KCND2: variants seen among roughly 807,000 people sequenced by gnomAD.
KCND2 encodes potassium voltage-gated channel subfamily D member 2.
KCND2 carries 16 observed loss-of-function variants against 54.4 expected under a neutral mutation model. The ratio of observed to expected loss-of-function variants is 0.29; its 90% CI spans 0.20 to 0.45. The LOEUF (loss-of-function observed/expected upper bound fraction) is 0.45, where lower values mean the gene tolerates loss of function less well. Among genes scored for constraint, KCND2 ranks in the 20% least tolerant of loss-of-function variants. The pLI, the probability that KCND2 is intolerant of heterozygous loss-of-function variation, is 1.00. For synonymous variants in KCND2, 317 were observed against 310.7 expected, an observed-to-expected ratio of 1.02 and a Z score of -0.21; for missense variants, 486 against 824.2, an observed-to-expected ratio of 0.59 and a Z score of 5.02.
In KCND2 at chr7:120,649,976, G is replaced by A. The variant is rs528498613; in HGVS notation, c.1116-82927G>A. On this transcript the variant is annotated intron_variant, in intron 1 of 5. Coordinates refer to ENST00000331113, the MANE Select transcript of KCND2 (RefSeq NM_012281.3). ...TCTTCTGGCTTGTGGAGTTTCTGCC[G>A]AGAGATCCGCTGTTAGTCTGATGGG... 7.2e-4 allele frequency among the ~76,000 whole-genome samples: 110 copies of A among 152,232 alleles called. 2 individuals carry two copies. The highest frequency in any genetic ancestry group is 2.5e-3 in the African/African-American group (102 of 41,504).
intron 1 of KCND2, among the ~76,000 whole-genome samples, chr7:120,486,156 A>G (rs1562852218): frequency 6.6e-6 from 1 of 152,204 alleles, no homozygotes; most frequent in Non-Finnish European, 1.5e-5. Context: ...AAGATATATG[A>G]TTAGCTCTAT....
At chr7:120,461,493 C>T (rs1474076228) in intron 1 of KCND2, among the ~76,000 whole-genome samples, 1 of 152,122 alleles carries the variant, frequency 6.6e-6, no homozygotes, top group Non-Finnish European at 1.5e-5. Context: ...ACACCAATGC[C>T]CTATTCGAGA....
chr7:120,318,166 A>G (rs1324130619), intron 1 of KCND2, among the ~76,000 whole-genome samples: 1 of 152,190 alleles, frequency 6.6e-6, no homozygotes, highest in Non-Finnish European at 1.5e-5. Context: ...ATCTAAAATT[A>G]GTATCAACAC....
At chr7:120,662,634 G>T (rs139651074) in intron 1 of KCND2, among the ~76,000 whole-genome samples, 174 of 152,088 alleles carry the variant, frequency 1.1e-3, no homozygotes, top group African/African-American at 4.0e-3. Flanking sequence ...TTGTTTTTTT[G>T]GTTCCTAAAT....
intron 1 of KCND2, among the ~76,000 whole-genome samples, chr7:120,354,643 G>C (rs74782082): frequency 6.6e-6 from 1 of 152,150 alleles, no homozygotes; most frequent in African/African-American, 2.4e-5. Flanking sequence ...AACTACTTGA[G>C]GGGGAGGTGA....
At chr7:120,520,158 C>A (rs1791669546) in intron 1 of KCND2, among the ~76,000 whole-genome samples, 1 of 151,904 alleles carries the variant, frequency 6.6e-6, no homozygotes, top group South Asian at 2.1e-4. Context: ...AAGGAAAGCA[C>A]TTGTTTACAT....
intron 1 of KCND2, among the ~76,000 whole-genome samples, chr7:120,300,195 C>T (rs1223987920): frequency 2.0e-5 from 3 of 152,038 alleles, no homozygotes. Flanking sequence ...AGATTCACTC[C>T]ATTAGATTGA....
At chr7:120,416,959 C>T (rs1194426712) in intron 1 of KCND2, among the ~76,000 whole-genome samples, 1 of 152,150 alleles carries the variant, frequency 6.6e-6, no homozygotes, top group Non-Finnish European at 1.5e-5. Flanking sequence ...AGTTCTCCTG[C>T]CTCAGCCTCC....
intron 1 of KCND2, among the ~76,000 whole-genome samples, chr7:120,689,855 G>C (rs754183389): frequency 1.3e-5 from 2 of 152,134 alleles, no homozygotes; most frequent in South Asian, 4.2e-4. Flanking sequence ...GAATTCCCCA[G>C]AGCATCCTTC....
intron 1 of KCND2, among the ~76,000 whole-genome samples, chr7:120,360,105 G>A (rs1176460577): frequency 1.3e-5 from 2 of 151,972 alleles, no homozygotes; most frequent in Non-Finnish European, 2.9e-5. Context: ...TCTTTTGGAG[G>A]CAGTATAACT....
intron 1 of KCND2, among the ~76,000 whole-genome samples, chr7:120,367,913 T>G (rs1167571627): frequency 6.6e-6 from 1 of 152,132 alleles, no homozygotes; most frequent in East Asian, 1.9e-4. Context: ...GACAAATATC[T>G]GCTTTACAGG....
intron 1 of KCND2, among the ~76,000 whole-genome samples, chr7:120,447,355 A>G (rs565483373): frequency 1.4e-5 from 2 of 139,032 alleles, no homozygotes; most frequent in South Asian, 2.2e-4. Flanking sequence ...TACCCTGGTG[A>G]AAAAAAAAAA....
intron 1 of KCND2, among the ~76,000 whole-genome samples, chr7:120,515,640 A>T (rs1313295764): frequency 2.6e-5 from 4 of 152,052 alleles, no homozygotes; most frequent in Admixed American, 2.6e-4. Context: ...ACTCCTACAG[A>T]GTTGGGACTC....
intron 1 of KCND2, among the ~76,000 whole-genome samples, chr7:120,567,829 T>C (rs113972660): frequency 2.0e-4 from 30 of 152,244 alleles, no homozygotes; most frequent in African/African-American, 6.7e-4. Flanking sequence ...AAAACGAATC[T>C]TTAGGGAATA....
intron 1 of KCND2, among the ~76,000 whole-genome samples, chr7:120,667,648 C>A (rs538283169): frequency 5.9e-5 from 9 of 152,048 alleles, no homozygotes; most frequent in African/African-American, 1.9e-4. Flanking sequence ...AAGAGACATA[C>A]CCTCATGGTT....
chr7:120,420,372 A>G (rs1801594422), intron 1 of KCND2, among the ~76,000 whole-genome samples: 1 of 152,244 alleles, frequency 6.6e-6, no homozygotes, highest in Admixed American at 6.5e-5. Flanking sequence ...GGCTCAATAG[A>G]GCAGTGCCTG....
Position 120,584,162 on chromosome 7 carries a change from T to A in KCND2, c.1116-148741T>A, listed in dbSNP as rs190458810. On this transcript the variant is annotated intron_variant, in intron 1 of 5. Coordinates refer to ENST00000331113, the MANE Select transcript of KCND2 (RefSeq NM_012281.3). Reference sequence around the variant, plus strand: ...GGAGCTCATGCTGTAATAATATAAATATGCTTTCTATCCTCTTTGGGGGCA... The same window carrying A: ...GGAGCTCATGCTGTAATAATATAAAAATGCTTTCTATCCTCTTTGGGGGCA... Among the ~76,000 whole-genome samples, 14 of 152,342 alleles carry A rather than the reference T, an allele frequency of 9.2e-5. No homozygotes were observed. The East Asian group carries it at 2.7e-3, about 29-fold the overall frequency.
intron 1 of KCND2, chr7:120,464,017 G>GC (rs1437656347): frequency 9.6e-5 from 76 of 788,878 alleles, no homozygotes; most frequent in Non-Finnish European, 1.1e-4. Flanking sequence ...TCTTAGTTTT[G>GC]TTTTTTTTTT....
At chr7:120,499,148 A>T (rs1482793544) in intron 1 of KCND2, among the ~76,000 whole-genome samples, 2 of 152,158 alleles carry the variant, frequency 1.3e-5, no homozygotes, top group African/African-American at 2.4e-5. Flanking sequence ...ATACTGCTAA[A>T]TATTCAGGGG....
Sources: allele counts gnomAD v4.1 joint callset (sites outside exome capture counted in the v4.1 genomes callset), GRCh38; gene constraint gnomAD v4.1.1; transcripts MANE v1.5; gene names NCBI Gene and HGNC (gene_info 2026-07-23, HGNC 2026-07-21).